The following KCNIP4 variants were observed in gnomAD, a reference collection of about 807,000 sequenced individuals.
The protein encoded by KCNIP4 is Kv channel-interacting protein 4.
A neutral mutation model predicts 34.0 loss-of-function variants in KCNIP4; 12 were observed. The observed-to-expected ratio is 0.35, with a 90% CI of 0.23 to 0.57. KCNIP4 has a LOEUF of 0.57. Ranked by LOEUF, KCNIP4 falls within the 20% of genes least tolerant of loss-of-function variation. The pLI is 0.83. For synonymous variants in KCNIP4, 124 were observed against 102.2 expected (o/e 1.21, Z -1.29); for missense variants, 238 against 311.7 (o/e 0.76, Z 1.78).
intron 1 of KCNIP4, among the ~76,000 whole-genome samples, chr4:21,073,418 A>G (rs1032123007): frequency 1.3e-5 from 2 of 152,076 alleles, no homozygotes; most frequent in African/African-American, 2.4e-5. Flanking sequence ...TTGTGAATGG[A>G]AGTTCACTCA....
intron 1 of KCNIP4, among the ~76,000 whole-genome samples, chr4:20,979,641 A>AGG (rs1735872939): frequency 6.6e-6 from 1 of 151,292 alleles, no homozygotes; most frequent in Non-Finnish European, 1.5e-5. Flanking sequence ...CTCGTGATCC[A>AGG]CCCGCCTCGG....
In KCNIP4 at chr4:21,139,927, T is replaced by G. The variant is rs534170073; in HGVS notation, c.62-257218A>C. 2.6e-5 allele frequency among the ~76,000 whole-genome samples: 4 copies of G among 152,102 alleles called. No homozygotes were observed. In the South Asian group the frequency reaches 8.3e-4, roughly 32 times the overall value. On this transcript the variant is annotated intron_variant, in intron 1 of 8. Transcript: ENST00000382152. Reference sequence around the variant, plus strand: ...AGCCACGTTTAATGATCAGTCTTTTTAACCCCAGAGTCCACATTCTTTCTA... The same window carrying G: ...AGCCACGTTTAATGATCAGTCTTTTGAACCCCAGAGTCCACATTCTTTCTA...
In KCNIP4 at chr4:21,948,705, G is replaced by C. The variant is rs1730642748; in HGVS notation, c.-74C>G. The stretch of plus-strand genomic sequence containing the variant: ...GGGGCGTCTGTCCACGGGTCTGCAC[G>C]GGAGCGCACCGCCGCTCGGCCCGGG... On this transcript the variant is annotated 5_prime_UTR_variant, in exon 1 of 9. Transcript: ENST00000382152. 4 of 1,464,252 alleles carry C rather than the reference G, an allele frequency of 2.7e-6. No homozygotes were observed. The highest frequency in any genetic ancestry group is 1.4e-5 in the African/African-American group (1 of 70,390). The allele number at this position is 1,464,252 out of a possible 1,614,324, so 90.7% of individuals were successfully genotyped here. A position where few individuals can be genotyped will look rare whatever the true frequency, so the allele number is the denominator to read the frequency against.
At chr4:20,780,337 A>C (rs1429227717) in intron 3 of KCNIP4, among the ~76,000 whole-genome samples, 16 of 152,188 alleles carry the variant, frequency 1.1e-4, no homozygotes, top group Admixed American at 9.8e-4. Flanking sequence ...AAAAGAAAAT[A>C]ATGGCATTTA....
At chr4:21,408,546 G>T (rs1724206263) in intron 1 of KCNIP4, among the ~76,000 whole-genome samples, 1 of 152,126 alleles carries the variant, frequency 6.6e-6, no homozygotes, top group Admixed American at 6.5e-5. Context: ...GAGGTTTCAG[G>T]ATGTTTTGCT....
At chr4:21,775,512 G>A (rs771848537) in intron 1 of KCNIP4, among the ~76,000 whole-genome samples, 31 of 152,116 alleles carry the variant, frequency 2.0e-4, no homozygotes, top group Admixed American at 3.3e-4. Flanking sequence ...GCTTTTCTTC[G>A]GGGGAAACCC....
intron 1 of KCNIP4, among the ~76,000 whole-genome samples, chr4:21,266,272 GC>G (rs1242965484): frequency 6.6e-6 from 1 of 152,158 alleles, no homozygotes; most frequent in Non-Finnish European, 1.5e-5. Context: ...TAAAGAGGAT[GC>G]TTTTCCTATT....
intron 1 of KCNIP4, among the ~76,000 whole-genome samples, chr4:21,939,260 T>G (rs938718085): frequency 2.0e-5 from 3 of 152,202 alleles, no homozygotes; most frequent in African/African-American, 7.2e-5. Context: ...AATTTTCATT[T>G]GGAGGTTACA....
intron 1 of KCNIP4, among the ~76,000 whole-genome samples, chr4:21,151,363 C>T (rs1349789472): frequency 6.7e-6 from 1 of 149,842 alleles, no homozygotes; most frequent in East Asian, 2.0e-4. Flanking sequence ...CTTGGGCTGC[C>T]ATTAACTAAA....
chr4:21,747,458 CAAGTTCT>C (rs1716851007), intron 1 of KCNIP4, among the ~76,000 whole-genome samples: 1 of 152,126 alleles, frequency 6.6e-6, no homozygotes. Flanking sequence ...CAAGGTGTGG[CAAGTTCT>C]AACACAAGCA....
At chr4:21,133,434 A>T (rs1454031261) in intron 1 of KCNIP4, among the ~76,000 whole-genome samples, 1 of 152,176 alleles carries the variant, frequency 6.6e-6, no homozygotes, top group African/African-American at 2.4e-5. Context: ...CCATATTTCC[A>T]TGGAGTCCTG....
At chr4:20,801,781 G>T (rs1431145809) in intron 3 of KCNIP4, among the ~76,000 whole-genome samples, 2 of 152,010 alleles carry the variant, frequency 1.3e-5, no homozygotes, top group South Asian at 2.1e-4. Flanking sequence ...GATCGACAGA[G>T]CTACAAAACA....
At chr4:21,013,151 T>C (rs1349205205) in intron 1 of KCNIP4, among the ~76,000 whole-genome samples, 1 of 152,052 alleles carries the variant, frequency 6.6e-6, no homozygotes, top group Admixed American at 6.5e-5. Flanking sequence ...ACAGAGGAGG[T>C]AGCACAGACG....
intron 5 of KCNIP4, among the ~76,000 whole-genome samples, chr4:20,741,064 C>G (rs1200532475): frequency 2.0e-5 from 3 of 151,946 alleles, no homozygotes; most frequent in Admixed American, 1.3e-4. Flanking sequence ...CACCCAGATT[C>G]ATAAAACAAG....
chr4:21,530,126 T>C (rs1382592939), intron 1 of KCNIP4, among the ~76,000 whole-genome samples: 4 of 152,284 alleles, frequency 2.6e-5, no homozygotes, highest in African/African-American at 9.6e-5. Context: ...CAGACAGTCT[T>C]ATAGGGAAAG....
At chr4:21,793,518 A>T (rs1462468123) in intron 1 of KCNIP4, among the ~76,000 whole-genome samples, 1 of 152,222 alleles carries the variant, frequency 6.6e-6, no homozygotes, top group Non-Finnish European at 1.5e-5. Context: ...TCGACCTCCC[A>T]GATTTCTGGA....
At chr4:21,277,532 C>A (rs1762513488) in intron 1 of KCNIP4, among the ~76,000 whole-genome samples, 2 of 152,042 alleles carry the variant, frequency 1.3e-5, no homozygotes, top group South Asian at 2.1e-4. Flanking sequence ...CTCATAAATT[C>A]AAAGAAAATT....
chr4:21,331,087 C>A (rs1715591800), intron 1 of KCNIP4, among the ~76,000 whole-genome samples: 1 of 152,138 alleles, frequency 6.6e-6, no homozygotes, highest in African/African-American at 2.4e-5. Context: ...ACTGTGTCCT[C>A]TTCTTCCTTA....
At chr4:21,605,750 G>C (rs546665447) in intron 1 of KCNIP4, among the ~76,000 whole-genome samples, 7 of 152,244 alleles carry the variant, frequency 4.6e-5, no homozygotes, top group African/African-American at 1.7e-4. Context: ...AAAGTGCTGG[G>C]ATTACAGGCG....
Sources: allele counts gnomAD v4.1 joint callset (sites outside exome capture counted in the v4.1 genomes callset), GRCh38; gene constraint gnomAD v4.1.1; transcripts MANE v1.5; gene names NCBI Gene and HGNC (gene_info 2026-07-23, HGNC 2026-07-21).